The following GRM7 variants were observed in gnomAD, a reference collection of about 807,000 sequenced individuals.
The protein encoded by GRM7 is glutamate metabotropic receptor 7.
Under a neutral mutation model 84.5 loss-of-function variants are expected in GRM7, and 35 were observed. The ratio of observed to expected loss-of-function variants is 0.41; its 90% CI spans 0.32 to 0.55. GRM7 has a LOEUF of 0.55. Among genes scored for constraint, GRM7 ranks in the 20% least tolerant of loss-of-function variants. The pLI, the probability that GRM7 is intolerant of heterozygous loss-of-function variation, is 0.19. For synonymous variants in GRM7, 487 were observed against 455.1 expected (o/e 1.07, Z -0.89); for missense variants, 1,003 against 1,194.6 (o/e 0.84, Z 2.36).
chr3:7,137,025 C>A (rs979334484), intron 1 of GRM7, among the ~76,000 whole-genome samples: 1 of 152,064 alleles, frequency 6.6e-6, no homozygotes, highest in African/African-American at 2.4e-5. Flanking sequence ...GCCTTGAGCA[C>A]CTTTTAGTGA....
At chr3:7,295,488 T>C (rs2125016877) in intron 2 of GRM7, among the ~76,000 whole-genome samples, 1 of 152,160 alleles carries the variant, frequency 6.6e-6, no homozygotes, top group African/African-American at 2.4e-5. Flanking sequence ...TCCATATAAA[T>C]GTTAAGTTAG....
chr3:7,516,073 G>A, intron 7 of GRM7, among the ~76,000 whole-genome samples: 1 of 151,236 alleles, frequency 6.6e-6, no homozygotes, highest in Non-Finnish European at 1.5e-5. Flanking sequence ...ATGCTGAGGT[G>A]GGAGGATCTT....
At chr3:7,321,943 A>G (rs1474894964) in intron 4 of GRM7, among the ~76,000 whole-genome samples, 1 of 152,138 alleles carries the variant, frequency 6.6e-6, no homozygotes, top group East Asian at 1.9e-4. Context: ...TCCATATGTC[A>G]ACATCAGTGT....
intron 2 of GRM7, among the ~76,000 whole-genome samples, chr3:7,169,980 G>A (rs56312302): frequency 0.27 from 41,277 of 152,078 alleles, 6,057 homozygotes; most frequent in Non-Finnish European, 0.33. Flanking sequence ...AGAACTTGCT[G>A]AAATACAGAC....
intron 4 of GRM7, among the ~76,000 whole-genome samples, chr3:7,410,885 CT>C (rs1257252437): frequency 6.6e-6 from 1 of 152,132 alleles, no homozygotes; most frequent in Non-Finnish European, 1.5e-5. Context: ...AAATTTGGTG[CT>C]TTAAAACAAC....
intron 1 of GRM7, among the ~76,000 whole-genome samples, chr3:7,029,360 T>G (rs1696107634): frequency 6.6e-6 from 1 of 151,372 alleles, no homozygotes; most frequent in Admixed American, 6.6e-5. Context: ...GCAGTTATAC[T>G]TCTGGGTACA....
intron 8 of GRM7, among the ~76,000 whole-genome samples, chr3:7,654,540 C>T (rs1699096805): frequency 6.6e-6 from 1 of 152,180 alleles, no homozygotes; most frequent in Non-Finnish European, 1.5e-5. Flanking sequence ...AAGAACACTT[C>T]TATTTTATTA....
chr3:7,661,231 C>G (rs1456468166), intron 8 of GRM7, among the ~76,000 whole-genome samples: 3 of 152,046 alleles, frequency 2.0e-5, no homozygotes, highest in Non-Finnish European at 4.4e-5. Context: ...ATATTTGAAT[C>G]AAAAAACCCT....
intron 2 of GRM7, among the ~76,000 whole-genome samples, chr3:7,286,858 AAC>A (rs1699448553): frequency 6.6e-6 from 1 of 152,214 alleles, no homozygotes; most frequent in Non-Finnish European, 1.5e-5. Context: ...CTATTATCAA[AAC>A]ACAATATCAT....
intron 2 of GRM7, among the ~76,000 whole-genome samples, chr3:7,222,563 C>T: frequency 6.6e-6 from 1 of 152,142 alleles, no homozygotes; most frequent in East Asian, 1.9e-4. Flanking sequence ...GAAAGGAACT[C>T]CGCCCTGCTG....
chr3:7,104,224 C>T (rs1312129996), intron 1 of GRM7, among the ~76,000 whole-genome samples: 1 of 150,282 alleles, frequency 6.7e-6, no homozygotes, highest in Non-Finnish European at 1.5e-5. Flanking sequence ...CAAAAAGTGC[C>T]TTTTTTTTTC....
At chr3:7,561,531 G>A (rs887027062) in intron 7 of GRM7, 3 of 456,428 alleles carry the variant, frequency 6.6e-6, no homozygotes, top group Non-Finnish European at 1.3e-5. Context: ...ACAGAATGTT[G>A]GCATGGAAAG....
At chr3:7,495,296 T>C (rs996052366) in intron 7 of GRM7, among the ~76,000 whole-genome samples, 3 of 152,122 alleles carry the variant, frequency 2.0e-5, no homozygotes, top group Non-Finnish European at 4.4e-5. Flanking sequence ...AGGAGCACTG[T>C]GGTGGTATCT....
At chr3:7,022,365 ATG>A (rs781111404) in intron 1 of GRM7, among the ~76,000 whole-genome samples, 11 of 120,162 alleles carry the variant, frequency 9.2e-5, no homozygotes, top group African/African-American at 3.5e-4. Context: ...ATACACACAC[ATG>A]CACACACACA....
intron 4 of GRM7, among the ~76,000 whole-genome samples, chr3:7,357,487 G>C (rs532463597): frequency 6.6e-6 from 1 of 151,982 alleles, no homozygotes; most frequent in Non-Finnish European, 1.5e-5. Flanking sequence ...AGTTCCTACA[G>C]ACATATTTTT....
chr3:7,497,526 A>G (rs1193958513), intron 7 of GRM7, among the ~76,000 whole-genome samples: 2 of 152,114 alleles, frequency 1.3e-5, no homozygotes, highest in Admixed American at 6.6e-5. Context: ...TTTCTCTCAG[A>G]TTTATGTTTT....
rs151191866 is a variant in GRM7 at position 6,861,466 on chromosome 3, C to G, written c.78C>G (p.Cys26Trp). Residue 26 changes from cysteine (C) to tryptophan (W), a missense_variant, in exon 1 of 10, where the codon TGC becomes TGG. Cys to Trp is a radical substitution (Grantham distance 215, BLOSUM62 -2). Coordinates refer to ENST00000357716, the MANE Select transcript of GRM7 (RefSeq NM_000844.4). The surrounding 1 kb of genome is among the most constrained non-coding windows in gnomAD (Gnocchi z 6.4). ...FPCCVLEVLL[C>W]ALAAAARGQE... ...GCTGCGTGCTGGAGGTGCTCCTGTG[C>G]GCGCTGGCGGCGGCGGCGCGCGGCC... The G allele has an allele frequency of 9.6e-6, 15 of 1,562,882 alleles. No individual in the cohort carries two copies. In the East Asian group the frequency reaches 2.9e-4, roughly 30 times the overall value.
chr3:7,093,429 A>C (rs956085585), intron 1 of GRM7, among the ~76,000 whole-genome samples: 1 of 151,772 alleles, frequency 6.6e-6, no homozygotes, highest in Non-Finnish European at 1.5e-5. Context: ...CCTGCAATCC[A>C]AGCACTTTGG....
intron 1 of GRM7, among the ~76,000 whole-genome samples, chr3:6,864,965 C>T (rs1366419435): frequency 1.3e-5 from 2 of 152,226 alleles, no homozygotes; most frequent in East Asian, 3.9e-4. Flanking sequence ...TTTCTCTCCT[C>T]TCTTTACACA....
Sources: allele counts gnomAD v4.1 joint callset (sites outside exome capture counted in the v4.1 genomes callset), GRCh38; gene constraint gnomAD v4.1.1; non-coding constraint Gnocchi (gnomAD v3.1); transcripts MANE v1.5; gene names NCBI Gene and HGNC (gene_info 2026-07-23, HGNC 2026-07-21).